ADAMTSL1: variants seen among roughly 807,000 people sequenced by gnomAD.
ADAMTSL1 encodes the protein ADAMTS like 1, also known as ADAMTS-like protein 1.
Under a neutral mutation model 201.8 loss-of-function variants are expected in ADAMTSL1, and 126 were observed. The ratio of observed to expected loss-of-function variants is 0.62; its 90% CI spans 0.54 to 0.72. ADAMTSL1 has a LOEUF of 0.72. ADAMTSL1 is among the 30% of genes least tolerant of loss of function. The pLI is 0.00. For missense variants in ADAMTSL1, 2,679 were observed against 2,277.8 expected, an observed-to-expected ratio of 1.18 and a Z score of -3.59; for synonymous variants, 1,121 against 903.4, an observed-to-expected ratio of 1.24 and a Z score of -4.32.
chr9:18,617,492 T>A (rs1356155303), intron 4 of ADAMTSL1, among the ~76,000 whole-genome samples: 1 of 151,786 alleles, frequency 6.6e-6, no homozygotes, highest in Non-Finnish European at 1.5e-5. Flanking sequence ...GTTTATTTTT[T>A]TTTTTGGCAG....
intron 3 of ADAMTSL1, among the ~76,000 whole-genome samples, chr9:18,539,218 C>A (rs1302970822): frequency 1.3e-5 from 2 of 152,172 alleles, no homozygotes; most frequent in Non-Finnish European, 2.9e-5. Context: ...TTATTGAACA[C>A]CCAACTCCTG....
chr9:18,729,629 T>C (rs1278797744), intron 15 of ADAMTSL1, among the ~76,000 whole-genome samples: 3 of 152,228 alleles, frequency 2.0e-5, no homozygotes, highest in Non-Finnish European at 4.4e-5. Context: ...TCCTTCAGTC[T>C]CCACTGAACA....
At chr9:18,517,621 A>G (rs1818438579) in intron 2 of ADAMTSL1, among the ~76,000 whole-genome samples, 1 of 132,632 alleles carries the variant, frequency 7.5e-6, no homozygotes, top group Admixed American at 9.3e-5. Flanking sequence ...TCCTGTGTCC[A>G]TGTGATCTCA....
intron 20 of ADAMTSL1, among the ~76,000 whole-genome samples, chr9:18,806,510 C>T (rs1336363200): frequency 6.6e-6 from 1 of 152,218 alleles, no homozygotes; most frequent in Non-Finnish European, 1.5e-5. Context: ...GCCTGGGATT[C>T]AGCCCTGAGT....
At chr9:18,411,878 A>G (rs1409917688) in intron 2 of ADAMTSL1, among the ~76,000 whole-genome samples, 1 of 152,198 alleles carries the variant, frequency 6.6e-6, no homozygotes, top group Non-Finnish European at 1.5e-5. Context: ...TACCTATTTT[A>G]TACTCATATT....
chr9:18,477,337 G>A (rs1206700217), intron 1 of ADAMTSL1, among the ~76,000 whole-genome samples: 1 of 152,156 alleles, frequency 6.6e-6, no homozygotes, highest in Admixed American at 6.5e-5. Flanking sequence ...AGTAACACTA[G>A]GAATTATAAT....
chr9:18,536,483 T>A (rs993908359), intron 3 of ADAMTSL1, among the ~76,000 whole-genome samples: 5 of 151,594 alleles, frequency 3.3e-5, no homozygotes, highest in Non-Finnish European at 4.4e-5. Flanking sequence ...CACAGGCTTT[T>A]AAAAATTTAT....
chr9:18,794,423 CAAAAA>C (rs1563806602), intron 19 of ADAMTSL1, among the ~76,000 whole-genome samples: 1 of 144,162 alleles, frequency 6.9e-6, no homozygotes, highest in Non-Finnish European at 1.5e-5. Flanking sequence ...AAAACAAAAA[CAAAAA>C]CAAAAAAAAA....
chr9:18,666,005 C>A (rs1829406420), intron 9 of ADAMTSL1, among the ~76,000 whole-genome samples: 1 of 152,130 alleles, frequency 6.6e-6, no homozygotes, highest in African/African-American at 2.4e-5. Context: ...TGAGATCATA[C>A]TTTATACAGT....
At chr9:17,993,076 G>C (rs1316848954) in intron 1 of ADAMTSL1, among the ~76,000 whole-genome samples, 2 of 152,136 alleles carry the variant, frequency 1.3e-5, no homozygotes, top group African/African-American at 4.8e-5. Context: ...AAAAATGACA[G>C]AGACAAATAA....
At chr9:18,577,364 T>C (rs1206311352) in intron 4 of ADAMTSL1, among the ~76,000 whole-genome samples, 1 of 152,110 alleles carries the variant, frequency 6.6e-6, no homozygotes, top group Non-Finnish European at 1.5e-5. Context: ...CAGGTGCTCG[T>C]ATTCGCAGCT....
chr9:18,780,192 C>G (rs1414211289), intron 19 of ADAMTSL1, among the ~76,000 whole-genome samples: 2 of 152,174 alleles, frequency 1.3e-5, no homozygotes, highest in Admixed American at 6.5e-5. Context: ...AGGAGGTAGA[C>G]AAGCATTGAG....
chr9:18,020,406 C>T (rs186305989), intron 1 of ADAMTSL1, among the ~76,000 whole-genome samples: 2 of 152,134 alleles, frequency 1.3e-5, no homozygotes, highest in Admixed American at 6.6e-5. Context: ...TTGGCTTCCT[C>T]ACTTTGAGGA....
intron 4 of ADAMTSL1, among the ~76,000 whole-genome samples, chr9:18,600,770 T>TAA (rs1278776064): frequency 1.3e-5 from 2 of 152,110 alleles, no homozygotes; most frequent in African/African-American, 4.8e-5. Flanking sequence ...ACATTTGAGG[T>TAA]AAAGAGCAAC....
At chr9:18,593,272 T>A (rs2132491506) in intron 4 of ADAMTSL1, among the ~76,000 whole-genome samples, 1 of 152,308 alleles carries the variant, frequency 6.6e-6, no homozygotes, top group African/African-American at 2.4e-5. Flanking sequence ...ATGTTGGAAG[T>A]GGACATCCTT....
intron 1 of ADAMTSL1, among the ~76,000 whole-genome samples, chr9:18,010,105 C>T (rs1187674976): frequency 6.6e-6 from 1 of 151,964 alleles, no homozygotes; most frequent in Non-Finnish European, 1.5e-5. Flanking sequence ...TCTAGAATAC[C>T]AATCACTGTA....
intron 23 of ADAMTSL1, among the ~76,000 whole-genome samples, chr9:18,885,128 A>G (rs1055719919): frequency 1.3e-5 from 2 of 152,190 alleles, no homozygotes; most frequent in Non-Finnish European, 2.9e-5. Flanking sequence ...TGCTGCTATA[A>G]CAGAATACCT....
At chr9:18,894,465 G>A (rs1422524797) in intron 26 of ADAMTSL1, among the ~76,000 whole-genome samples, 1 of 151,070 alleles carries the variant, frequency 6.6e-6, no homozygotes, top group Non-Finnish European at 1.5e-5. Flanking sequence ...TGAGAATGAA[G>A]GTATTGAGCA....
intron 2 of ADAMTSL1, among the ~76,000 whole-genome samples, chr9:18,354,166 G>A (rs1836106047): frequency 6.6e-6 from 1 of 151,000 alleles, no homozygotes; most frequent in African/African-American, 2.4e-5. Context: ...TGTCTCTGGT[G>A]TAAATACATA....
Sources: allele counts gnomAD v4.1 joint callset (sites outside exome capture counted in the v4.1 genomes callset), GRCh38; gene constraint gnomAD v4.1.1; transcripts MANE v1.5; gene names NCBI Gene and HGNC (gene_info 2026-07-23, HGNC 2026-07-21).